Variants in KLHL31 observed in about 807,000 individuals in gnomAD.
KLHL31 encodes kelch-like protein 31.
KLHL31 carries 32 observed loss-of-function variants against 47.1 expected under a neutral mutation model. The ratio of observed to expected loss-of-function variants is 0.68; its 90% CI spans 0.51 to 0.91. The LOEUF is 0.91. Ranked by LOEUF, KLHL31 falls within the 40% of genes least tolerant of loss-of-function variation. The probability of loss-of-function intolerance (pLI) is 0.00; values close to 1 mark genes in which losing one functional copy is unlikely to be tolerated. For synonymous variants in KLHL31, 330 were observed against 325.1 expected (o/e 1.01, Z -0.16); for missense variants, 797 against 819.3 (o/e 0.97, Z 0.33).
rs1197874056 is a variant in KLHL31, at chr6:53,652,292, C to T, written c.1211G>A (p.Ser404Asn). Residue 404 changes from serine (S) to asparagine (N), a missense_variant, in exon 3 of 3, where the codon AGC becomes AAC. Coordinates refer to ENST00000370905, the MANE Select transcript of KLHL31 (RefSeq NM_001003760.5). ...PRFNTWIHLA[S>N]MNQKRTHFSL... is the part of the protein sequence containing the mutation. ...GAAGTGCGTGCGCTTCTGGTTCATGCTGGCCAGGTGTATCCAGGTGTTGAA... is the reference window on the plus strand; with the variant it reads ...GAAGTGCGTGCGCTTCTGGTTCATGTTGGCCAGGTGTATCCAGGTGTTGAA... The T allele has an allele frequency of 1.9e-6, 3 of 1,614,154 alleles. No individual in the cohort carries two copies. The Admixed American group carries it at 5.0e-5, about 27-fold the overall frequency.
Position 53,654,406 on chromosome 6 carries a change from T to A in KLHL31, c.867A>T (p.Val289=). 6.2e-7 allele frequency: 1 copy of A among 1,614,250 alleles called. No homozygotes were observed. Among genetic ancestry groups the A allele is most frequent in the Non-Finnish European group, 8.5e-7 (1 of 1,180,046 alleles). The part of the protein sequence containing the change: ...MQDADCHRLL[V]DAMNYHLLPY... ...GAAGCAAGTGGTAGTTCATAGCATCTACGAGAAGTCTGTGACAATCAGCAT... is the reference window on the plus strand; with the variant it reads ...GAAGCAAGTGGTAGTTCATAGCATCAACGAGAAGTCTGTGACAATCAGCAT... The change falls in exon 2 of 3, where the codon GTA becomes GTT. Residue 289 remains valine, a synonymous_variant. Coordinates refer to ENST00000370905, the MANE Select transcript of KLHL31 (RefSeq NM_001003760.5).
At chr6:53,660,776 C>A (rs1318342894) in intron 1 of KLHL31, among the ~76,000 whole-genome samples, 1 of 152,344 alleles carries the variant, frequency 6.6e-6, no homozygotes, top group African/African-American at 2.4e-5. Context: ...GATATTGCAC[C>A]ACTGCCCTCC....
At chr6:53,662,286 A>C (rs1418186117) in intron 1 of KLHL31, among the ~76,000 whole-genome samples, 1 of 152,202 alleles carries the variant, frequency 6.6e-6, no homozygotes, top group African/African-American at 2.4e-5. Flanking sequence ...TTTGGGATCA[A>C]AGGAAGGAAG....
chr6:53,660,651 CA>C (rs1764631352), intron 1 of KLHL31, among the ~76,000 whole-genome samples: 2 of 151,976 alleles, frequency 1.3e-5, no homozygotes, highest in South Asian at 4.1e-4. Context: ...CTGTCTCTAC[CA>C]AAAATACAAA....
chr6:53,652,719 G>T (rs1163702945), intron 2 of KLHL31, among the ~76,000 whole-genome samples: 2 of 152,178 alleles, frequency 1.3e-5, no homozygotes, highest in African/African-American at 4.8e-5. Context: ...ACGATCAGAG[G>T]AGTGGCGATC....
intron 1 of KLHL31, among the ~76,000 whole-genome samples, chr6:53,662,209 A>T (rs529808657): frequency 1.6e-3 from 237 of 152,134 alleles, no homozygotes; most frequent in Non-Finnish European, 2.6e-3. Flanking sequence ...CCATTTCTCC[A>T]TTTTTCCTAA....
chr6:53,652,696 C>T (rs1343849228), intron 2 of KLHL31, among the ~76,000 whole-genome samples: 1 of 152,126 alleles, frequency 6.6e-6, no homozygotes, highest in Non-Finnish European at 1.5e-5. Flanking sequence ...ATGGGGGAGG[C>T]TGGGCATTTG....
intron 2 of KLHL31, among the ~76,000 whole-genome samples, chr6:53,653,753 A>G (rs960292769): frequency 1.3e-5 from 2 of 152,182 alleles, no homozygotes; most frequent in African/African-American, 4.8e-5. Context: ...AATTTCTATC[A>G]AAAGTCAGTG....
rs1764464882 is a variant in KLHL31 at position 53,651,553 on chromosome 6, C to T, written c.*45G>A. The stretch of plus-strand genomic sequence containing the variant: ...CTCAGAGGTTAACCACGTGGCTCTA[C>T]GAATAAATAACGTGTTCTTCCTGCG... On this transcript the variant is annotated 3_prime_UTR_variant, in exon 3 of 3. Transcript: ENST00000370905. 2 of 1,571,100 alleles carry T rather than the reference C, an allele frequency of 1.3e-6. No individual in the cohort carries two copies. Among genetic ancestry groups the T allele is most frequent in the Non-Finnish European group, 8.6e-7 (1 of 1,156,582 alleles).
intron 2 of KLHL31, among the ~76,000 whole-genome samples, 155 bp downstream of exon 2, chr6:53,653,946 T>G (rs1372316025): frequency 6.6e-6 from 1 of 152,238 alleles, no homozygotes; most frequent in South Asian, 2.1e-4. Flanking sequence ...CTTTATATAA[T>G]ATAAAGTGCT....
Position 53,654,918 on chromosome 6 carries a change from G to T in KLHL31, c.355C>A (p.Leu119Ile). ...QRVDLNDISP[L>I]GLATVIAYAY... ...TATGCAATGACAGTGGCCAGGCCTA[G>T]TGGTGAGATATCATTGAGATCCACC... Residue 119 changes from leucine (L) to isoleucine (I), a missense_variant, in exon 2 of 3, where the codon CTA becomes ATA. Leu to Ile is a conservative substitution (Grantham distance 5). Coordinates refer to ENST00000370905, the MANE Select transcript of KLHL31 (RefSeq NM_001003760.5). 6.2e-7 allele frequency: 1 copy of T among 1,614,094 alleles called. No homozygotes were observed. Among genetic ancestry groups the T allele is most frequent in the Non-Finnish European group, 8.5e-7 (1 of 1,179,940 alleles).
Position 53,649,985 on chromosome 6 carries a change from T to C in KLHL31, c.*1613A>G, listed in dbSNP as rs1465875977. On this transcript the variant is annotated 3_prime_UTR_variant, in exon 3 of 3. Coordinates refer to ENST00000370905, the MANE Select transcript of KLHL31 (RefSeq NM_001003760.5). ...GAGATTGAACTTTTCATCGGGGTAA[T>C]GATATAAAATTGTTCCACAAAGTGT... 6.6e-6 allele frequency: 1 copy of C among 152,202 alleles called. No homozygotes were observed. Among genetic ancestry groups the C allele is most frequent in the Non-Finnish European group, 1.5e-5 (1 of 68,024 alleles). The allele number at this position is 152,202 out of a possible 1,614,324, so 9.4% of individuals were successfully genotyped here.
rs1388509524 is a variant in KLHL31, at chr6:53,651,952, C to G, written c.1551G>C (p.Val517=). Reference sequence around the variant, plus strand: ...GCGGCCCCAGCTGGCTGCCGCCCATCACGTACACTCTGTCGCTCAGCGTGA... The same window carrying G: ...GCGGCCCCAGCTGGCTGCCGCCCATGACGTACACTCTGTCGCTCAGCGTGA... The part of the protein sequence containing the change: ...CAVTLSDRVY[V]MGGSQLGPRG... The change falls in exon 3 of 3, where the codon GTG becomes GTC. Residue 517 remains valine, a synonymous_variant. Coordinates refer to ENST00000370905, the MANE Select transcript of KLHL31 (RefSeq NM_001003760.5). 2.5e-6 allele frequency: 4 copies of G among 1,593,038 alleles called. No individual in the cohort carries two copies. Among genetic ancestry groups the G allele is most frequent in the Non-Finnish European group, 3.4e-6 (4 of 1,176,106 alleles).
intron 1 of KLHL31, among the ~76,000 whole-genome samples, chr6:53,657,292 A>G (rs1015306298): frequency 5.9e-5 from 9 of 152,188 alleles, no homozygotes; most frequent in African/African-American, 2.2e-4. Flanking sequence ...ATTTCAAGCT[A>G]TCAACTGCTT....
At chr6:53,662,389 C>T (rs2127370889) in intron 1 of KLHL31, among the ~76,000 whole-genome samples, 1 of 152,310 alleles carries the variant, frequency 6.6e-6, no homozygotes, top group South Asian at 2.1e-4. Flanking sequence ...CAGGTTTAGC[C>T]AGAGCAGCTG....
rs1764478664 is a variant in KLHL31 at position 53,651,998 on chromosome 6, G to A, written c.1505C>T (p.Pro502Leu). The change falls in exon 3 of 3, where the codon CCC (proline) becomes CTC (leucine). Residue 502 changes from proline to leucine, a missense_variant. Pro to Leu is a moderately conservative substitution (Grantham distance 98). Coordinates refer to ENST00000370905, the MANE Select transcript of KLHL31 (RefSeq NM_001003760.5). The part of the protein sequence containing the change: ...SWQELPNLST[P>L]RGWHCAVTLS... ...CGTGACCGCGCAGTGCCAGCCCCGG[G>A]GTGTGCTGAGGTTCGGCAGCTCCTG... is the stretch of plus-strand genomic sequence containing the variant. 1.9e-6 allele frequency: 3 copies of A among 1,592,252 alleles called. No homozygotes were observed. The highest frequency in any genetic ancestry group is 2.6e-6 in the Non-Finnish European group (3 of 1,175,360).
At chr6:53,665,162 CA>C (rs1218219433) in intron 1 of KLHL31, among the ~76,000 whole-genome samples, 1 of 151,702 alleles carries the variant, frequency 6.6e-6, no homozygotes, top group East Asian at 1.9e-4. Flanking sequence ...ACATTTCATC[CA>C]AACTGATCAG....
In KLHL31 at chr6:53,654,644, T is replaced by C; in HGVS notation, c.629A>G (p.Lys210Arg). The C allele has an allele frequency of 6.2e-7, 1 of 1,614,188 alleles. No homozygotes were observed. The highest frequency in any genetic ancestry group is 8.5e-7 in the Non-Finnish European group (1 of 1,180,016). ...TTCATTAATTTGTTCAAATGTAAGT[T>C]TCATAAACTGATCCGATTCTGCAAA... ...LEFAESDQFM[K>R]LTFEQINELL... is the part of the protein sequence containing the mutation. The change falls in exon 2 of 3, where the codon AAA (lysine) becomes AGA (arginine). Residue 210 changes from lysine to arginine, a missense_variant. Coordinates refer to ENST00000370905, the MANE Select transcript of KLHL31 (RefSeq NM_001003760.5).
chr6:53,661,042 T>G (rs1764638242), intron 1 of KLHL31, among the ~76,000 whole-genome samples: 1 of 152,170 alleles, frequency 6.6e-6, no homozygotes, highest in South Asian at 2.1e-4. Flanking sequence ...CAGAGGAACC[T>G]GGGGATCAGG....
Sources: allele counts gnomAD v4.1 joint callset (sites outside exome capture counted in the v4.1 genomes callset), GRCh38; gene constraint gnomAD v4.1.1; transcripts MANE v1.5; gene names NCBI Gene and HGNC (gene_info 2026-07-23, HGNC 2026-07-21).